The following EXD3 variants were observed in gnomAD, a reference collection of about 807,000 sequenced individuals.
EXD3 encodes exonuclease 3'-5' domain containing 3.
EXD3 carries 92 observed loss-of-function variants against 98.0 expected under a neutral mutation model. The observed-to-expected ratio is 0.94, with a 90% CI of 0.79 to 1.12. The LOEUF (loss-of-function observed/expected upper bound fraction) is 1.12. EXD3 is among the 50% of genes most tolerant of loss of function. The probability of loss-of-function intolerance (pLI) is 0.00; values close to 1 mark genes in which losing one functional copy is unlikely to be tolerated. For missense variants in EXD3, 1,222 were observed against 1,191.6 expected (o/e 1.03, Z -0.38); for synonymous variants, 569 against 526.0 (o/e 1.08, Z -1.12).
chr9:137,384,807 C>T (rs1836499505), intron 2 of EXD3, among the ~76,000 whole-genome samples: 1 of 152,202 alleles, frequency 6.6e-6, no homozygotes, highest in Non-Finnish European at 1.5e-5. Flanking sequence ...ACAAAAGCAG[C>T]TCATGCAAAA....
chr9:137,412,323 CTG>C (rs1337565806), intron 1 of EXD3, among the ~76,000 whole-genome samples: 5 of 152,232 alleles, frequency 3.3e-5, no homozygotes, highest in African/African-American at 1.2e-4. Context: ...GTCAATATCT[CTG>C]TGACAGCTTT....
chr9:137,375,450 G>GCTCTAGCGAGTTCTAA (rs1197563527), intron 3 of EXD3, among the ~76,000 whole-genome samples: 5 of 152,014 alleles, frequency 3.3e-5, no homozygotes, highest in Admixed American at 2.6e-4. Flanking sequence ...GTGAGTTCTA[G>GCTCTAGCGAGTTCTAA]CTCTAGCGAG....
rs191199057 is a variant in EXD3, at chr9:137,338,766, G to A, written c.1998+9305C>T. Among the ~76,000 whole-genome samples, 1,359 of 150,724 alleles carry A rather than the reference G, an allele frequency of 9.0e-3. 25 individuals carry two copies. The highest frequency in any genetic ancestry group is 0.031 in the African/African-American group (1,292 of 41,138). On this transcript the variant is annotated intron_variant, in intron 17 of 21. Transcript: ENST00000340951. ...AAAAAAGCTGGGAGTGGTGGCGGGC[G>A]CCTGTAGTCCCAGCTACTCGGGAGG... is the stretch of plus-strand genomic sequence containing the variant.
intron 1 of EXD3, among the ~76,000 whole-genome samples, chr9:137,422,565 A>C (rs1564230034): frequency 6.6e-6 from 1 of 152,184 alleles, no homozygotes; most frequent in East Asian, 1.9e-4. Context: ...TCTCCGTTGC[A>C]CCTGGTGACC....
At chr9:137,332,639 C>T (rs1044739734) in intron 17 of EXD3, among the ~76,000 whole-genome samples, 4 of 151,626 alleles carry the variant, frequency 2.6e-5, no homozygotes, top group Non-Finnish European at 4.4e-5. Flanking sequence ...GTCAGGAGAT[C>T]GAGACCATCC....
In EXD3 at chr9:137,366,291, A is replaced by G. The variant is rs776919376; in HGVS notation, c.656+202T>C. 8 of 739,808 alleles carry G rather than the reference A, an allele frequency of 1.1e-5. No homozygotes were observed. In the South Asian group the frequency reaches 1.2e-4, roughly 11 times the overall value. 45.8% of individuals were successfully genotyped at this position (739,808 alleles called of 1,614,324 possible). A position where few individuals can be genotyped will look rare whatever the true frequency, so the allele number is the denominator to read the frequency against. On this transcript the variant is annotated intron_variant, in intron 7 of 21. Transcript: ENST00000340951. ...GTTAACTCTTTTCACTCGGGAGAAGAGGGCTGTGCTCCTGCCAGCCCCAGC... is the reference window on the plus strand; with the variant it reads ...GTTAACTCTTTTCACTCGGGAGAAGGGGGCTGTGCTCCTGCCAGCCCCAGC...
intron 19 of EXD3, among the ~76,000 whole-genome samples, chr9:137,310,853 T>TGCAGGGGA (rs1448546935): frequency 6.6e-6 from 1 of 152,126 alleles, no homozygotes; most frequent in Non-Finnish European, 1.5e-5. Context: ...AGGCCATCTG[T>TGCAGGGGA]GCAGGGGAGC....
chr9:137,376,783 G>A (rs1000837873), intron 3 of EXD3, among the ~76,000 whole-genome samples: 3 of 151,976 alleles, frequency 2.0e-5, no homozygotes, highest in Non-Finnish European at 2.9e-5. Flanking sequence ...TACAAAATTA[G>A]CTAGGCATGG....
Position 137,394,146 on chromosome 9 carries a change from T to A in EXD3, c.55+1157A>T, listed in dbSNP as rs1449646305. Among the ~76,000 whole-genome samples, 56 of 109,020 alleles carry A rather than the reference T, an allele frequency of 5.1e-4. 2 individuals are homozygous for A. The highest frequency in any genetic ancestry group is 1.4e-3 in the East Asian group (5 of 3,662). The allele number at this position is 109,020 out of a possible 152,430, so 71.5% of individuals were successfully genotyped here. ...CCTAACCCCAGCCTCCCAGCCTCCATTTCCCTAACCCTGGCCTCCCAGCCT... is the reference window on the plus strand; with the variant it reads ...CCTAACCCCAGCCTCCCAGCCTCCAATTCCCTAACCCTGGCCTCCCAGCCT... On this transcript the variant is annotated intron_variant, in intron 2 of 21. Transcript: ENST00000340951.
chr9:137,361,833 C>T (rs1181518936), intron 7 of EXD3, among the ~76,000 whole-genome samples: 1 of 150,940 alleles, frequency 6.6e-6, no homozygotes, highest in East Asian at 2.0e-4. Flanking sequence ...CTAGAAATGA[C>T]ATAGATCATA....
chr9:137,418,882 G>A (rs1040781935), intron 1 of EXD3, among the ~76,000 whole-genome samples: 2 of 152,094 alleles, frequency 1.3e-5, no homozygotes, highest in Non-Finnish European at 2.9e-5. Context: ...AAAGGTTTTT[G>A]GTTTGGGAAA....
intron 17 of EXD3, among the ~76,000 whole-genome samples, chr9:137,346,238 C>CAAAAAAAAAAAA (rs563761495): frequency 0.035 from 478 of 13,604 alleles, 68 homozygotes; most frequent in Non-Finnish European, 0.048. Context: ...GACTCCGTCT[C>CAAAAAAAAAAAA]AAAAAAAAAA....
intron 19 of EXD3, among the ~76,000 whole-genome samples, chr9:137,310,195 C>G (rs78233350): frequency 6.6e-6 from 1 of 152,230 alleles, no homozygotes; most frequent in South Asian, 2.1e-4. Flanking sequence ...GGGGCTGGAG[C>G]AACACCACTG....
At chr9:137,357,654 G>GC (rs201147885) in intron 7 of EXD3, among the ~76,000 whole-genome samples, 1 of 151,170 alleles carries the variant, frequency 6.6e-6, no homozygotes, top group African/African-American at 2.4e-5. Flanking sequence ...CCAAGCTCCA[G>GC]CTTAGTGTCT....
chr9:137,344,135 C>G (rs530980315), intron 17 of EXD3, among the ~76,000 whole-genome samples: 28 of 152,042 alleles, frequency 1.8e-4, no homozygotes, highest in South Asian at 1.5e-3. Context: ...TGGTGATCCG[C>G]CCACCTCGGC....
At position 137,347,032 on chromosome 9, in the gene EXD3, T is replaced by G. The variant is rs924316654; in HGVS notation, c.1998+1039A>C. Among the ~76,000 whole-genome samples, 1 of 152,090 alleles carries G rather than the reference T, an allele frequency of 6.6e-6. No homozygotes were observed. Among genetic ancestry groups the G allele is most frequent in the Non-Finnish European group, 1.5e-5 (1 of 68,034 alleles). ...GGTTTCACCATCTTGGCCAGGCTGG[T>G]CTTGAACCCCTGACCTTGTGATCCA... On this transcript the variant is annotated intron_variant, in intron 17 of 21. Coordinates refer to ENST00000340951, the MANE Select transcript of EXD3 (RefSeq NM_017820.5). The surrounding 1 kb of genome is among the most constrained non-coding windows in gnomAD (Gnocchi z 4.2).
Position 137,330,603 on chromosome 9 carries a change from A to ACTACATAGGAG in EXD3, c.1999-6461_1999-6460insCTCCTATGTAG, listed in dbSNP as rs1564482369. Among the ~76,000 whole-genome samples the ACTACATAGGAG allele has an allele frequency of 3.9e-4, 51 of 129,366 alleles. 2 individuals are homozygous for ACTACATAGGAG. Among genetic ancestry groups the ACTACATAGGAG allele is most frequent in the South Asian group, 5.4e-4 (2 of 3,692 alleles). 84.9% of individuals were successfully genotyped at this position (129,366 alleles called of 152,430 possible). A position where few individuals can be genotyped will look rare whatever the true frequency, so the allele number is the denominator to read the frequency against. On this transcript the variant is annotated intron_variant, in intron 17 of 21. Transcript: ENST00000340951. ...ACAGGACTACACAGGACTACACAGG[A>ACTACATAGGAG]CTACACAGGACTACACAGGAACTAC... is the stretch of plus-strand genomic sequence containing the variant.
chr9:137,341,510 A>G (rs1833652975), intron 17 of EXD3, among the ~76,000 whole-genome samples: 2 of 151,844 alleles, frequency 1.3e-5, no homozygotes, highest in Non-Finnish European at 2.9e-5. Flanking sequence ...CTCAGGCACC[A>G]GGAGCCGTCT....
In EXD3 at chr9:137,407,379, C is replaced by T. The variant is rs1454816021; in HGVS notation, c.-47-11975G>A. Among the ~76,000 whole-genome samples, 1 of 152,232 alleles carries T rather than the reference C, an allele frequency of 6.6e-6. No individual in the cohort carries two copies. On this transcript the variant is annotated intron_variant, in intron 1 of 21. Transcript: ENST00000340951. The surrounding 1 kb of genome is among the most constrained non-coding windows in gnomAD (Gnocchi z 4.4). Reference sequence around the variant, plus strand: ...AGAGGTGACTGCTCCCCCGCGAAGCCCACCCACCTGAGGTCCTGGCCCCCA... The same window carrying T: ...AGAGGTGACTGCTCCCCCGCGAAGCTCACCCACCTGAGGTCCTGGCCCCCA...
Sources: allele counts gnomAD v4.1 joint callset (sites outside exome capture counted in the v4.1 genomes callset), GRCh38; gene constraint gnomAD v4.1.1; non-coding constraint Gnocchi (gnomAD v3.1); transcripts MANE v1.5; gene names NCBI Gene and HGNC (gene_info 2026-07-23, HGNC 2026-07-21).